BMPER: variants seen among roughly 807,000 people sequenced by gnomAD.
BMPER encodes the protein BMP binding endothelial regulator, also known as BMP-binding endothelial regulator protein.
A neutral mutation model predicts 87.3 loss-of-function variants in BMPER; 45 were observed. That is an observed-to-expected ratio of 0.52 (90% CI 0.41 to 0.66). The LOEUF is 0.66. BMPER is among the 30% of genes least tolerant of loss of function. The pLI, the probability that BMPER is intolerant of heterozygous loss-of-function variation, is 0.00. For synonymous variants in BMPER, 326 were observed against 316.2 expected (o/e 1.03, Z -0.33); for missense variants, 784 against 867.5 (o/e 0.90, Z 1.21).
At position 34,156,222 on chromosome 7, in the gene BMPER, C is replaced by A. The variant is rs1791298173; in HGVS notation, c.*2949C>A. Among the ~76,000 whole-genome samples, 1 of 152,190 alleles carries A rather than the reference C, an allele frequency of 6.6e-6. No individual in the cohort carries two copies. The highest frequency in any genetic ancestry group is 6.5e-5 in the Admixed American group (1 of 15,272). On this transcript the variant is annotated 3_prime_UTR_variant, in exon 15 of 15. Transcript: ENST00000649409. ...CAGGAGGTTGACTAGCTTCTCCCAGCTTTCACTGAAACACGGATAAACCAT... is the reference window on the plus strand; with the variant it reads ...CAGGAGGTTGACTAGCTTCTCCCAGATTTCACTGAAACACGGATAAACCAT...
chr7:33,918,444 C>T (rs1784137577), intron 2 of BMPER, among the ~76,000 whole-genome samples: 1 of 152,252 alleles, frequency 6.6e-6, no homozygotes, highest in South Asian at 2.1e-4. Context: ...GTAAAGCCTG[C>T]CTCATTCTGT....
chr7:34,035,005 T>C (rs1191208832), intron 6 of BMPER, among the ~76,000 whole-genome samples: 2 of 152,210 alleles, frequency 1.3e-5, no homozygotes, highest in African/African-American at 2.4e-5. Context: ...GCCAACAGAC[T>C]GTACACTTGT....
chr7:34,114,840 G>C (rs185723378), intron 13 of BMPER, among the ~76,000 whole-genome samples: 173 of 152,346 alleles, frequency 1.1e-3, no homozygotes, highest in Admixed American at 2.4e-3. Flanking sequence ...ACTGAAGGAA[G>C]ACAAGGCAAG....
At chr7:34,126,757 C>CATA (rs1162594736) in intron 13 of BMPER, among the ~76,000 whole-genome samples, 2 of 152,180 alleles carry the variant, frequency 1.3e-5, no homozygotes, top group African/African-American at 4.8e-5. Flanking sequence ...TCTTGTTCCA[C>CATA]ATAATACTCC....
chr7:33,922,838 A>G (rs1434615769), intron 2 of BMPER, among the ~76,000 whole-genome samples: 1 of 152,150 alleles, frequency 6.6e-6, no homozygotes, highest in Non-Finnish European at 1.5e-5. Context: ...TTTACTAATG[A>G]TGATGTGCTG....
intron 11 of BMPER, among the ~76,000 whole-genome samples, chr7:34,074,067 G>A (rs1403702139): frequency 6.6e-6 from 1 of 152,226 alleles, no homozygotes; most frequent in Non-Finnish European, 1.5e-5. Context: ...TTTGTTTGCT[G>A]TTTTGTTTCA....
At chr7:34,125,660 C>A (rs1790382412) in intron 13 of BMPER, among the ~76,000 whole-genome samples, 1 of 152,184 alleles carries the variant, frequency 6.6e-6, no homozygotes, top group South Asian at 2.1e-4. Context: ...TTGCTCCCAG[C>A]ATGACAGAGA....
At chr7:34,129,598 G>GAGAGAA (rs1331942623) in intron 13 of BMPER, among the ~76,000 whole-genome samples, 1 of 125,426 alleles carries the variant, frequency 8.0e-6, no homozygotes, top group East Asian at 2.5e-4. Flanking sequence ...GAGAGAGAGA[G>GAGAGAA]AGAGAGAGAG....
chr7:33,954,824 T>A (rs1381956759), intron 3 of BMPER, among the ~76,000 whole-genome samples: 2 of 152,308 alleles, frequency 1.3e-5, no homozygotes, highest in East Asian at 3.9e-4. Context: ...ATCACATGGA[T>A]CAGTAGCTGC....
intron 2 of BMPER, chr7:33,921,648 G>A (rs997029385): frequency 6.4e-5 from 28 of 438,258 alleles, no homozygotes; most frequent in African/African-American, 8.0e-5. Context: ...AGGCTGACCC[G>A]CTGGGCTGCT....
chr7:34,038,353 G>A (rs1050689416), intron 6 of BMPER, among the ~76,000 whole-genome samples: 1 of 152,170 alleles, frequency 6.6e-6, no homozygotes, highest in African/African-American at 2.4e-5. Flanking sequence ...AGCCATGGAA[G>A]GCAGGCTGCC....
chr7:34,079,017 C>T lies in BMPER; in HGVS notation c.1239C>T (p.Arg413=), dbSNP rs758723999. Residue 413 remains arginine (R), a synonymous_variant, in exon 12 of 15, where the codon CGC becomes CGT. Transcript: ENST00000649409. ...TGAAGAACGACGCCCGCCGGACACG[C>T]TCCTTCTCGTGGACCAAGTCGGTGG... ...VLVKNDARRT[R]SFSWTKSVEL... The T allele has an allele frequency of 2.5e-6, 4 of 1,614,124 alleles. No individual in the cohort carries two copies. Among genetic ancestry groups the T allele is most frequent in the Admixed American group, 3.3e-5 (2 of 60,016 alleles).
In BMPER at chr7:33,990,207, A is replaced by G. The variant is rs1364695211; in HGVS notation, c.576+15423A>G. Among the ~76,000 whole-genome samples, 3 of 149,422 alleles carry G rather than the reference A, an allele frequency of 2.0e-5. 1 individual carries two copies. The highest frequency in any genetic ancestry group is 4.4e-5 in the Non-Finnish European group (3 of 67,570). On this transcript the variant is annotated intron_variant, in intron 6 of 14. Coordinates refer to ENST00000649409, the MANE Select transcript of BMPER (RefSeq NM_001365308.1). ...ATTGAATCTGTAAATTACCTTGGGC[A>G]GTATGGCCATTTTCATGATATTGAT...
chr7:34,134,994 G>T (rs1216590857), intron 13 of BMPER, among the ~76,000 whole-genome samples: 2 of 152,138 alleles, frequency 1.3e-5, no homozygotes, highest in African/African-American at 2.4e-5. Context: ...GGTCAGAGGT[G>T]AATGATCATT....
chr7:33,920,120 A>G (rs191386062), intron 2 of BMPER, among the ~76,000 whole-genome samples: 349 of 152,292 alleles, frequency 2.3e-3, no homozygotes, highest in African/African-American at 7.9e-3. Flanking sequence ...GGGGCACACA[A>G]TTCTGTTGCC....
intron 3 of BMPER, among the ~76,000 whole-genome samples, chr7:33,940,749 A>C (rs1481251474): frequency 6.6e-6 from 1 of 151,286 alleles, no homozygotes; most frequent in East Asian, 1.9e-4. Context: ...ATAGTAATGC[A>C]GAAGTTTGCT....
chr7:33,949,831 A>C (rs760169231), intron 3 of BMPER, among the ~76,000 whole-genome samples: 11 of 152,258 alleles, frequency 7.2e-5, no homozygotes, highest in South Asian at 4.2e-4. Context: ...CTTTTTCTCT[A>C]ACCAAAAAAA....
At chr7:34,142,311 G>T (rs1374430892) in intron 13 of BMPER, among the ~76,000 whole-genome samples, 1 of 152,132 alleles carries the variant, frequency 6.6e-6, no homozygotes, top group African/African-American at 2.4e-5. Flanking sequence ...TGCTGACTTT[G>T]GGCCCATGTA....
intron 8 of BMPER, among the ~76,000 whole-genome samples, chr7:34,052,538 T>C (rs868517236): frequency 6.6e-6 from 1 of 152,234 alleles, no homozygotes; most frequent in South Asian, 2.1e-4. Context: ...CACACATTCA[T>C]AGACTGTACT....
Sources: allele counts gnomAD v4.1 joint callset (sites outside exome capture counted in the v4.1 genomes callset), GRCh38; gene constraint gnomAD v4.1.1; transcripts MANE v1.5; gene names NCBI Gene and HGNC (gene_info 2026-07-23, HGNC 2026-07-21).